INA: variants seen among roughly 807,000 people sequenced by gnomAD.
INA encodes internexin neuronal intermediate filament protein alpha, also known as alpha-internexin.
In INA, 35 loss-of-function variants were observed where a neutral mutation model predicts 40.1. The ratio of observed to expected loss-of-function variants is 0.87; its 90% CI spans 0.67 to 1.16. The LOEUF (loss-of-function observed/expected upper bound fraction) is 1.16, where lower values mean the gene tolerates loss of function less well. Ranked by LOEUF, INA falls within the 50% of genes most tolerant of loss-of-function variation. The pLI is 0.00. For missense variants in INA, 594 were observed against 686.7 expected (o/e 0.87, Z 1.51); for synonymous variants, 290 against 316.9 (o/e 0.92, Z 0.90).
chr10:103,277,182 AG>A lies in INA; in HGVS notation c.-29del. The A allele has an allele frequency of 6.5e-7, 1 of 1,545,650 alleles. No homozygotes were observed. Among genetic ancestry groups the A allele is most frequent in the South Asian group, 1.2e-5 (1 of 83,864 alleles). On this transcript the variant is annotated 5_prime_UTR_variant, in exon 1 of 3. Transcript: ENST00000369849. This position sits in a 1 kb window ranked among gnomAD's most constrained non-coding sequence, Gnocchi z 5.6. Reference sequence around the variant, plus strand: ...TCCTTTCTTCTGTAGCTCGCGTTGAAGCCGCACGTCCGGCCCCGATCCCGGC... The same window carrying A: ...TCCTTTCTTCTGTAGCTCGCGTTGAACCGCACGTCCGGCCCCGATCCCGGC...
At chr10:103,284,809 G>A (rs959122808) in intron 1 of INA, among the ~76,000 whole-genome samples, 2 of 151,952 alleles carry the variant, frequency 1.3e-5, no homozygotes, top group Non-Finnish European at 1.5e-5. Flanking sequence ...CTGAGAGCAG[G>A]GTGGCTGCAT....
At chr10:103,287,853 A>G (rs780679103) in intron 2 of INA, among the ~76,000 whole-genome samples, 1 of 152,128 alleles carries the variant, frequency 6.6e-6, no homozygotes, top group Non-Finnish European at 1.5e-5. Flanking sequence ...TATCTGAAAC[A>G]GTGTCATTCA....
At chr10:103,286,886 TG>T in intron 1 of INA, 148 bp from the exon 2 acceptor site, 1 of 692,354 alleles carries the variant, frequency 1.4e-6, no homozygotes, top group Non-Finnish European at 2.3e-6. Context: ...AATCTGGATC[TG>T]GACTCAGGGA....
At chr10:103,280,721 T>A (rs2093070803) in intron 1 of INA, 1 of 985,284 alleles carries the variant, frequency 1.0e-6, no homozygotes, top group African/African-American at 1.7e-5. Context: ...CAATAGTGGA[T>A]GAGAGAGTCT....
intron 1 of INA, among the ~76,000 whole-genome samples, chr10:103,285,618 CTTT>C (rs1198555714): frequency 2.6e-4 from 33 of 125,722 alleles, no homozygotes; most frequent in African/African-American, 7.4e-4. Context: ...TGAACTGAAT[CTTT>C]TTTTTTTTTT....
chr10:103,288,548 C>G lies in INA; in HGVS notation c.1379C>G (p.Ser460Cys). ...EEEEEASKVA[S>C]KKTSQIGESF... ...GAGGAGGAGGCATCTAAGGTAGCCTCTAAGAAAACCTCCCAGATAGGGGAA... is the reference window on the plus strand; with the variant it reads ...GAGGAGGAGGCATCTAAGGTAGCCTGTAAGAAAACCTCCCAGATAGGGGAA... The change falls in exon 3 of 3, where the codon TCT becomes TGT. Residue 460 changes from serine (S) to cysteine (C), a missense_variant. Ser to Cys is a moderately radical substitution (Grantham distance 112, BLOSUM62 -1). This residue lies in a region of INA where 379 missense variants were observed against 496.1 expected (regional missense o/e 0.76). Transcript: ENST00000369849. The G allele has an allele frequency of 6.2e-7, 1 of 1,613,700 alleles. No individual in the cohort carries two copies. The highest frequency in any genetic ancestry group is 1.1e-5 in the South Asian group (1 of 91,046).
chr10:103,280,787 A>G, intron 1 of INA: 4 of 985,450 alleles, frequency 4.1e-6, no homozygotes, highest in South Asian at 4.7e-5. Flanking sequence ...TCAAAAGCCA[A>G]ATGCAACTCC....
rs2093065221 is a variant in INA at position 103,278,302 on chromosome 10, AG to A, written c.1065+30del. ...GTAAGGGCCGGGGCTGGGCGTGGGG[AG>A]GGGTGCCCTGCCCTCTTCCGCGCGT... On this transcript the variant is annotated intron_variant, in intron 1 of 2. Coordinates refer to ENST00000369849, the MANE Select transcript of INA (RefSeq NM_032727.4). This position sits in a 1 kb window ranked among gnomAD's most constrained non-coding sequence, Gnocchi z 4.9. 1 of 1,490,550 alleles carries A rather than the reference AG, an allele frequency of 6.7e-7. No individual in the cohort carries two copies. The highest frequency in any genetic ancestry group is 9.0e-7 in the Non-Finnish European group (1 of 1,105,896). The allele number at this position is 1,490,550 out of a possible 1,614,324, so 92.3% of individuals were successfully genotyped here.
At position 103,280,554 on chromosome 10, in the gene INA, T is replaced by G. The variant is rs2093070433; in HGVS notation, c.1065+2278T>G. The G allele has an allele frequency of 8.1e-6, 8 of 985,322 alleles. No homozygotes were observed. In the South Asian group the frequency reaches 3.3e-4, roughly 40 times the overall value. 61.0% of individuals were successfully genotyped at this position (985,322 alleles called of 1,614,324 possible). ...CTACAGAGATTAGTGGTAGGGCCAT[T>G]TTTCTTTTCAAACTTGGCACCCTCT... On this transcript the variant is annotated intron_variant, in intron 1 of 2. Transcript: ENST00000369849.
intron 1 of INA, among the ~76,000 whole-genome samples, chr10:103,282,120 A>G (rs1244882470): frequency 6.6e-6 from 1 of 152,218 alleles, no homozygotes; most frequent in African/African-American, 2.4e-5. Context: ...AGAACACAGC[A>G]CACTTCCTTC....
Position 103,278,376 on chromosome 10 carries a change from A to C in INA, c.1065+100A>C. On this transcript the variant is annotated intron_variant, in intron 1 of 2. Coordinates refer to ENST00000369849, the MANE Select transcript of INA (RefSeq NM_032727.4). This position sits in a 1 kb window ranked among gnomAD's most constrained non-coding sequence, Gnocchi z 4.9. Reference sequence around the variant, plus strand: ...GGGCCCCAGGACTTAAGGGGAGGGCAAAAGAGAGGAGAGAAGAGCCGCGGC... The same window carrying C: ...GGGCCCCAGGACTTAAGGGGAGGGCCAAAGAGAGGAGAGAAGAGCCGCGGC... 1 of 991,428 alleles carries C rather than the reference A, an allele frequency of 1.0e-6. No individual in the cohort carries two copies. Among genetic ancestry groups the C allele is most frequent in the South Asian group, 1.8e-5 (1 of 56,476 alleles). The allele number at this position is 991,428 out of a possible 1,614,324, so 61.4% of individuals were successfully genotyped here.
chr10:103,279,484 G>A (rs1163085), intron 1 of INA, among the ~76,000 whole-genome samples: 97,720 of 152,008 alleles, frequency 0.64, 31,521 homozygotes, highest in South Asian at 0.69. Flanking sequence ...CAGAGGCAGG[G>A]GACAGGGTAA....
In INA at chr10:103,288,653, C is replaced by G; in HGVS notation, c.1484C>G (p.Ser495Ter). Residue 495 changes from serine (S) to a stop codon, truncating the protein, a stop_gained, in exon 3 of 3, where the codon TCA becomes TGA. Transcript: ENST00000369849. LOFTEE classifies it high-confidence loss of function. ...TCAAATATAGAAGAAACCACCATTTCAAGCCAAAAAATATAATTCCATTGC... is the reference window on the plus strand; with the variant it reads ...TCAAATATAGAAGAAACCACCATTTGAAGCCAAAAAATATAATTCCATTGC... Reference protein sequence around the residue: ...EKSNIEETTISSQKI With the variant: ...EKSNIEETTI The G allele has an allele frequency of 6.4e-7, 1 of 1,570,498 alleles. No individual in the cohort carries two copies. The highest frequency in any genetic ancestry group is 1.2e-5 in the South Asian group (1 of 84,458).
rs866572846 is a variant in INA at position 103,288,503 on chromosome 10, C to T, written c.1334C>T (p.Ser445Leu). The change falls in exon 3 of 3, where the codon TCA (serine) becomes TTA (leucine). Residue 445 changes from serine (S) to leucine (L), a missense_variant. This residue lies in a region of INA where 379 missense variants were observed against 496.1 expected (regional missense o/e 0.76). Coordinates refer to ENST00000369849, the MANE Select transcript of INA (RefSeq NM_032727.4). ...TCCAAAGTCTCATCCACTGGGCTAT[C>T]ACTTAAGAAAGAGGAGGAGGAGGAG... The part of the protein sequence containing the change: ...TTSKVSSTGL[S>L]LKKEEEEEEA... 6.2e-7 allele frequency: 1 copy of T among 1,613,844 alleles called. No individual in the cohort carries two copies. The highest frequency in any genetic ancestry group is 1.3e-5 in the African/African-American group (1 of 74,944).
intron 2 of INA, among the ~76,000 whole-genome samples, 187 bp from the exon 3 acceptor site, chr10:103,288,173 T>C (rs1325054349): frequency 3.3e-5 from 5 of 152,164 alleles, no homozygotes; most frequent in Non-Finnish European, 7.3e-5. Flanking sequence ...GGGGTGTGTG[T>C]GTGCGCATGC....
chr10:103,279,324 T>G (rs1388182788), intron 1 of INA, among the ~76,000 whole-genome samples: 2 of 152,234 alleles, frequency 1.3e-5, no homozygotes, highest in Non-Finnish European at 2.9e-5. Context: ...AGAGATGGTT[T>G]TTCTTTGTTC....
chr10:103,279,927 ATT>A (rs1258642537), intron 1 of INA: 1 of 1,289,258 alleles, frequency 7.8e-7, no homozygotes, highest in Non-Finnish European at 1.0e-6. Flanking sequence ...TTGAGACTTC[ATT>A]TTTTTCTTCT....
chr10:103,285,175 A>G (rs1004977143), intron 1 of INA, among the ~76,000 whole-genome samples: 7 of 151,680 alleles, frequency 4.6e-5, no homozygotes, highest in African/African-American at 1.5e-4. Context: ...GTAGAGACAG[A>G]GTTTCTCCAT....
Position 103,289,356 on chromosome 10 carries a change from A to G in INA, c.*687A>G, listed in dbSNP as rs1025525109. ...TTCGTGTAATTACTTATCCCTGCCC[A>G]TTTCATATTCTTTCAATTCTGTAGG... On this transcript the variant is annotated 3_prime_UTR_variant, in exon 3 of 3. Coordinates refer to ENST00000369849, the MANE Select transcript of INA (RefSeq NM_032727.4). 1.3e-5 allele frequency: 2 copies of G among 152,604 alleles called. No individual in the cohort carries two copies. Among genetic ancestry groups the G allele is most frequent in the Admixed American group, 6.5e-5 (1 of 15,272 alleles). The allele number at this position is 152,604 out of a possible 1,614,324, so 9.5% of individuals were successfully genotyped here. A position where few individuals can be genotyped will look rare whatever the true frequency, so the allele number is the denominator to read the frequency against.
Sources: gnomAD v4.1 joint callset for allele counts (sites outside exome capture counted in the v4.1 genomes callset) on GRCh38, gnomAD v4.1.1 for gene constraint, gnomAD v4.1.1 regional missense constraint, Gnocchi (gnomAD v3.1) non-coding constraint, MANE v1.5 for transcripts, NCBI Gene and HGNC (gene_info 2026-07-23, HGNC 2026-07-21) for gene names.